The following UIMC1 variants were observed in gnomAD, a reference collection of about 807,000 sequenced individuals.
The protein encoded by UIMC1 is BRCA1-A complex subunit RAP80.
Under a neutral mutation model 84.9 loss-of-function variants are expected in UIMC1, and 42 were observed. The ratio of observed to expected loss-of-function variants is 0.49; its 90% CI spans 0.39 to 0.64. The LOEUF is 0.64. Ranked by LOEUF, UIMC1 falls within the 30% of genes least tolerant of loss-of-function variation. UIMC1 has a pLI of 0.00. For synonymous variants in UIMC1, 281 were observed against 293.0 expected (o/e 0.96, Z 0.42); for missense variants, 825 against 847.6 (o/e 0.97, Z 0.33).
At chr5:176,994,514 A>T (rs1353922655) in intron 1 of UIMC1, among the ~76,000 whole-genome samples, 1 of 77,052 alleles carries the variant, frequency 1.3e-5, no homozygotes, top group East Asian at 3.9e-4. Context: ...TTTCTTTAAA[A>T]AAAAAAAAAA....
At chr5:176,911,282 A>G in intron 11 of UIMC1, 29 bp downstream of exon 11, 1 of 1,565,498 alleles carries the variant, frequency 6.4e-7, no homozygotes, top group Non-Finnish European at 8.7e-7. Flanking sequence ...GTTATACAAG[A>G]GCTCCGTGAA....
intron 1 of UIMC1, among the ~76,000 whole-genome samples, chr5:177,012,628 G>A (rs1581739073): frequency 6.6e-6 from 1 of 152,254 alleles, no homozygotes; most frequent in East Asian, 1.9e-4. Context: ...AGGAGGTGGA[G>A]GTTGCAATGA....
chr5:176,954,581 A>T (rs773371553), intron 8 of UIMC1, among the ~76,000 whole-genome samples: 2 of 151,790 alleles, frequency 1.3e-5, no homozygotes, highest in Non-Finnish European at 2.9e-5. Context: ...CTAAAAAAAA[A>T]TAATAATAAT....
At chr5:176,909,279 C>T (rs1025781022) in intron 11 of UIMC1, among the ~76,000 whole-genome samples, 1 of 152,076 alleles carries the variant, frequency 6.6e-6, no homozygotes, top group Non-Finnish European at 1.5e-5. Context: ...TTTAAAAGAG[C>T]AGAGTTTGGG....
At chr5:176,925,323 G>A (rs1762261714) in intron 10 of UIMC1, among the ~76,000 whole-genome samples, 1 of 152,018 alleles carries the variant, frequency 6.6e-6, no homozygotes, top group African/African-American at 2.4e-5. Flanking sequence ...AAATTAAGGG[G>A]ATAAAACAGT....
At chr5:176,975,326 C>T in intron 3 of UIMC1, 70 bp downstream of exon 3, 1 of 1,464,360 alleles carries the variant, frequency 6.8e-7, no homozygotes. Context: ...ACATAATCAA[C>T]TAGTCCAAAA....
In UIMC1 at chr5:176,970,878, T is replaced by C. The variant is rs762114698; in HGVS notation, c.233-12A>G. Reference sequence around the variant, plus strand: ...TTCTTCTGTCATCTCTGTAAGAGGATAGGGAAAAGAGAAGGAGGAACACCA... The same window carrying C: ...TTCTTCTGTCATCTCTGTAAGAGGACAGGGAAAAGAGAAGGAGGAACACCA... On this transcript the variant is annotated splice_polypyrimidine_tract_variant and intron_variant, in intron 3 of 14. Transcript: ENST00000511320. 1.5e-5 allele frequency: 24 copies of C among 1,612,566 alleles called. No individual in the cohort carries two copies. The highest frequency in any genetic ancestry group is 4.0e-5 in the African/African-American group (3 of 74,900).
chr5:177,016,308 G>T (rs1474194536), intron 1 of UIMC1, among the ~76,000 whole-genome samples: 1 of 148,476 alleles, frequency 6.7e-6, no homozygotes. Context: ...AGGTTGCAGT[G>T]AGCCGAGATC....
At position 176,905,397 on chromosome 5, in the gene UIMC1, A is replaced by T. The variant is rs369903458; in HGVS notation, c.2045T>A (p.Phe682Tyr). ...RDLNESPVKS[F>Y]VSISEATDCL... The stretch of plus-strand genomic sequence containing the variant: ...ATCTGTGGCTTCTGAAATGGAAACA[A>T]AAGACTTGACGGGAGATTCATTTAA... Residue 682 changes from phenylalanine to tyrosine, a missense_variant, in exon 15 of 15, where the codon TTT becomes TAT. Coordinates refer to ENST00000511320, the MANE Select transcript of UIMC1 (RefSeq NM_001199298.2). 1.2e-6 allele frequency: 2 copies of T among 1,614,002 alleles called. No homozygotes were observed. Among genetic ancestry groups the T allele is most frequent in the African/African-American group, 2.7e-5 (2 of 74,912 alleles).
chr5:176,914,366 T>C (rs1161799152), intron 10 of UIMC1, among the ~76,000 whole-genome samples: 2 of 152,226 alleles, frequency 1.3e-5, no homozygotes, highest in Non-Finnish European at 2.9e-5. Context: ...GTAAAGGATA[T>C]GGCCAAGGAC....
At chr5:177,005,624 G>T (rs1455943093) in intron 1 of UIMC1, among the ~76,000 whole-genome samples, 1 of 151,730 alleles carries the variant, frequency 6.6e-6, no homozygotes, top group Non-Finnish European at 1.5e-5. Flanking sequence ...CGCAAACAGC[G>T]GATAAGCTGG....
intron 2 of UIMC1, chr5:176,980,029 A>G (rs1043727763): frequency 3.3e-5 from 5 of 152,192 alleles, no homozygotes; most frequent in Non-Finnish European, 7.3e-5. Flanking sequence ...TCTCTCCTGG[A>G]GCTGGGACAC....
chr5:176,921,061 T>C (rs376054807), intron 10 of UIMC1, among the ~76,000 whole-genome samples: 116 of 152,376 alleles, frequency 7.6e-4, no homozygotes, highest in South Asian at 6.6e-3. Context: ...CTTTGTTCTA[T>C]GATACAGTAT....
chr5:176,930,661 T>C (rs1762967661), intron 10 of UIMC1, among the ~76,000 whole-genome samples: 2 of 152,230 alleles, frequency 1.3e-5, no homozygotes, highest in African/African-American at 2.4e-5. Flanking sequence ...GAAAATATTA[T>C]CTTGTTATCA....
intron 11 of UIMC1, 57 bp from the exon 12 acceptor site, chr5:176,908,751 G>A: frequency 6.4e-7 from 1 of 1,562,008 alleles, no homozygotes. Flanking sequence ...TTTGCCTCTG[G>A]GCCCCTGGAT....
intron 9 of UIMC1, among the ~76,000 whole-genome samples, chr5:176,950,581 T>C (rs1461906201): frequency 2.0e-5 from 3 of 151,802 alleles, no homozygotes; most frequent in Non-Finnish European, 4.4e-5. Context: ...TAAAAATACA[T>C]ACTGAGGACC....
At chr5:176,954,716 A>G (rs953288610) in intron 8 of UIMC1, among the ~76,000 whole-genome samples, 1 of 150,734 alleles carries the variant, frequency 6.6e-6, no homozygotes, top group Non-Finnish European at 1.5e-5. Context: ...TGACTGCGCC[A>G]CTGCACTCCA....
At chr5:176,924,045 C>T (rs1052462280) in intron 10 of UIMC1, among the ~76,000 whole-genome samples, 3 of 151,814 alleles carry the variant, frequency 2.0e-5, no homozygotes, top group Non-Finnish European at 4.4e-5. Flanking sequence ...TGGCCGGGCA[C>T]GGTGGCTCAC....
upstream of UIMC1, among the ~76,000 whole-genome samples, chr5:177,010,546 C>CT (rs917155005): frequency 1.6e-4 from 24 of 147,284 alleles, no homozygotes; most frequent in Admixed American, 2.7e-4. Context: ...ATAGAGGATA[C>CT]TTTTTTTTTT....
Sources: gnomAD v4.1 joint callset for allele counts (sites outside exome capture counted in the v4.1 genomes callset) on GRCh38, gnomAD v4.1.1 for gene constraint, MANE v1.5 for transcripts, NCBI Gene and HGNC (gene_info 2026-07-23, HGNC 2026-07-21) for gene names.